Variants in EXOC4 observed in about 807,000 individuals in gnomAD.
EXOC4 encodes SEC8-like 1.
EXOC4 carries 71 observed loss-of-function variants against 107.2 expected under a neutral mutation model. That is an observed-to-expected ratio of 0.66 (90% CI 0.55 to 0.81). The LOEUF (loss-of-function observed/expected upper bound fraction) is 0.81. EXOC4 is among the 30% of genes least tolerant of loss of function. EXOC4 has a pLI of 0.00. For missense variants in EXOC4, 1,108 were observed against 1,189.6 expected, an observed-to-expected ratio of 0.93 and a Z score of 1.01; for synonymous variants, 456 against 441.2, an observed-to-expected ratio of 1.03 and a Z score of -0.42.
At chr7:134,084,090 C>G in the EXOC4 span, among the ~76,000 whole-genome samples, 1 of 152,196 alleles carries the variant, frequency 6.6e-6, no homozygotes, top group Non-Finnish European at 1.5e-5. Flanking sequence ...GCTAAGCTGG[C>G]TCTCCTGAGA....
chr7:133,694,731 C>A (rs1794495520), intron 10 of EXOC4, among the ~76,000 whole-genome samples: 1 of 152,166 alleles, frequency 6.6e-6, no homozygotes, highest in Non-Finnish European at 1.5e-5. Context: ...TCAGATTCTT[C>A]TAGCTATTTT....
At chr7:133,912,832 C>T (rs1237374038) in intron 12 of EXOC4, among the ~76,000 whole-genome samples, 5 of 152,132 alleles carry the variant, frequency 3.3e-5, no homozygotes, top group Non-Finnish European at 7.4e-5. Flanking sequence ...ACATTTAAAT[C>T]ACATGGGAAA....
At chr7:133,826,493 A>T (rs1261265530) in intron 11 of EXOC4, among the ~76,000 whole-genome samples, 2 of 152,174 alleles carry the variant, frequency 1.3e-5, no homozygotes, top group Admixed American at 1.3e-4. Context: ...CATGTATAAA[A>T]TGAGAATGAC....
At position 133,372,740 on chromosome 7, in the gene EXOC4, T is replaced by C. The variant is rs117234668; in HGVS notation, c.1008-2088T>C. Among the ~76,000 whole-genome samples the C allele has an allele frequency of 4.9e-4, 74 of 152,342 alleles. 1 individual carries two copies. The East Asian group carries it at 0.013, about 27-fold the overall frequency. On this transcript the variant is annotated intron_variant, in intron 6 of 17. Coordinates refer to ENST00000253861, the MANE Select transcript of EXOC4 (RefSeq NM_021807.4). ...ATCCTGTATCTAGAACTTCATGCCA[T>C]TGGGACATTAGACACCAGTGTGCCT...
At chr7:133,823,942 T>G (rs1797637449) in intron 11 of EXOC4, among the ~76,000 whole-genome samples, 1 of 108,366 alleles carries the variant, frequency 9.2e-6, no homozygotes, top group African/African-American at 3.5e-5. Context: ...ATATATTATA[T>G]ATATAGTTGA....
chr7:133,937,959 A>G lies in EXOC4; in HGVS notation c.2096A>G (p.Asp699Gly). 1 of 1,614,164 alleles carries G rather than the reference A, an allele frequency of 6.2e-7. No homozygotes were observed. The highest frequency in any genetic ancestry group is 2.2e-5 in the East Asian group (1 of 44,884). ...NLGDKLIPPQ[D>G]ILRDVSDLKA... is the part of the protein sequence containing the mutation. The stretch of plus-strand genomic sequence containing the variant: ...GGTGATAAATTAATCCCTCCACAAG[A>G]CATCCTTCGTGACGTCAGTGACCTC... Residue 699 changes from aspartate (D) to glycine (G), a missense_variant, in exon 14 of 18, where the codon GAC (aspartate) becomes GGC (glycine). By Grantham distance (94) the Asp-to-Gly change is moderately conservative. Coordinates refer to ENST00000253861, the MANE Select transcript of EXOC4 (RefSeq NM_021807.4).
chr7:133,906,773 C>T (rs1799575856), intron 12 of EXOC4, among the ~76,000 whole-genome samples: 1 of 152,220 alleles, frequency 6.6e-6, no homozygotes, highest in Non-Finnish European at 1.5e-5. Flanking sequence ...TGCTCCTGAT[C>T]CACCAAGGGG....
downstream of EXOC4, among the ~76,000 whole-genome samples, chr7:134,070,518 C>A (rs12539865): frequency 0.74 from 112,438 of 152,010 alleles, 41,984 homozygotes; most frequent in East Asian, 0.87. Context: ...CTGGAAATTT[C>A]TTTAAAAGTG....
chr7:133,305,654 G>T (rs1213364093), intron 3 of EXOC4, among the ~76,000 whole-genome samples: 1 of 152,084 alleles, frequency 6.6e-6, no homozygotes, highest in Admixed American at 6.5e-5. Flanking sequence ...TGCTATGGTG[G>T]TGTGTATGCT....
chr7:133,886,255 C>T (rs1198737251), intron 11 of EXOC4, among the ~76,000 whole-genome samples: 1 of 152,168 alleles, frequency 6.6e-6, no homozygotes, highest in Non-Finnish European at 1.5e-5. Flanking sequence ...GTAAAAACAC[C>T]ACTTCGGTTT....
At chr7:133,696,386 A>G (rs1794533885) in intron 10 of EXOC4, among the ~76,000 whole-genome samples, 2 of 152,220 alleles carry the variant, frequency 1.3e-5, no homozygotes, top group Middle Eastern at 3.4e-3. Context: ...AGTCAATACT[A>G]TTCCTCACTC....
rs552221379 is a variant in EXOC4, at chr7:133,647,757, A to T, written c.1514+17616A>T. ...CAGAGAGTAGATAATCCACTCTGAT[A>T]ATCCACAGTCAAACAGATAATCCAG... On this transcript the variant is annotated intron_variant, in intron 10 of 17. Coordinates refer to ENST00000253861, the MANE Select transcript of EXOC4 (RefSeq NM_021807.4). 3.3e-5 allele frequency among the ~76,000 whole-genome samples: 5 copies of T among 152,258 alleles called. No individual in the cohort carries two copies. In the East Asian group the frequency reaches 9.7e-4, roughly 29 times the overall value.
At chr7:134,035,536 C>G (rs974387846) in intron 17 of EXOC4, among the ~76,000 whole-genome samples, 8 of 152,160 alleles carry the variant, frequency 5.3e-5, no homozygotes, top group Admixed American at 2.6e-4. Context: ...TGAGCCATAT[C>G]TTTGTCTTCC....
chr7:134,031,560 G>C (rs1795271705), intron 17 of EXOC4, among the ~76,000 whole-genome samples: 1 of 152,180 alleles, frequency 6.6e-6, no homozygotes, highest in South Asian at 2.1e-4. Context: ...GGAGCTTCCA[G>C]GTAGAGGAGG....
intron 10 of EXOC4, among the ~76,000 whole-genome samples, chr7:133,755,269 T>TATATTATATATATTATATAC (rs1242368986): frequency 4.8e-5 from 5 of 104,170 alleles, no homozygotes; most frequent in Non-Finnish European, 5.7e-5. Flanking sequence ...ATATATTATA[T>TATATTATATATATTATATAC]ATATTATATA....
chr7:133,817,607 T>C (rs1797403505), intron 11 of EXOC4, 63 bp downstream of exon 11: 1 of 1,230,946 alleles, frequency 8.1e-7, no homozygotes, highest in Middle Eastern at 2.1e-4. Flanking sequence ...GCAAGTGTCA[T>C]AAATTTAAAA....
intron 10 of EXOC4, among the ~76,000 whole-genome samples, chr7:133,730,051 AT>A (rs1156793951): frequency 1.3e-5 from 2 of 150,964 alleles, no homozygotes; most frequent in Non-Finnish European, 3.0e-5. Flanking sequence ...GGTGAAGGAA[AT>A]AAAAGATGCA....
At chr7:133,877,389 A>G (rs117201581) in intron 11 of EXOC4, among the ~76,000 whole-genome samples, 3,158 of 152,220 alleles carry the variant, frequency 0.021, 45 homozygotes, top group Non-Finnish European at 0.03. Flanking sequence ...ATGTTGTTAT[A>G]GTTCTTTAAA....
chr7:133,597,998 A>G (rs545728194), intron 9 of EXOC4, among the ~76,000 whole-genome samples: 9 of 152,138 alleles, frequency 5.9e-5, no homozygotes, highest in Non-Finnish European at 1.3e-4. Context: ...AGCCTGGGCA[A>G]TAAGAGCAAC....
Sources: allele counts gnomAD v4.1 joint callset (sites outside exome capture counted in the v4.1 genomes callset), GRCh38; gene constraint gnomAD v4.1.1; transcripts MANE v1.5; gene names NCBI Gene and HGNC (gene_info 2026-07-23, HGNC 2026-07-21).